ANKS1B: variants seen among roughly 807,000 people sequenced by gnomAD.
ANKS1B encodes ankyrin repeat and sterile alpha motif domain containing 1B, also known as ankyrin repeat and sterile alpha motif domain-containing protein 1B.
A neutral mutation model predicts 148.3 loss-of-function variants in ANKS1B; 36 were observed. The ratio of observed to expected loss-of-function variants is 0.24; its 90% confidence interval spans 0.19 to 0.32. The LOEUF is 0.32. ANKS1B is among the 10% of genes least tolerant of loss of function. The pLI is 1.00. For missense variants in ANKS1B, 1,157 were observed against 1,542.6 expected, an observed-to-expected ratio of 0.75 and a Z score of 4.19; for synonymous variants, 542 against 560.8, an observed-to-expected ratio of 0.97 and a Z score of 0.47.
chr12:99,528,599 A>G (rs1596399751), intron 9 of ANKS1B, among the ~76,000 whole-genome samples: 1 of 152,150 alleles, frequency 6.6e-6, no homozygotes, highest in African/African-American at 2.4e-5. Context: ...AAAAATGAGG[A>G]ACATAACATG....
At position 99,534,911 on chromosome 12, in the gene ANKS1B, A is replaced by G. The variant is rs371176855; in HGVS notation, c.1273-30270T>C. Reference sequence around the variant, plus strand: ...TTTTTAGTAGAGACGGGGTTTCACCATGTTAGCCAGGATGGTCTCGATCTC... The same window carrying G: ...TTTTTAGTAGAGACGGGGTTTCACCGTGTTAGCCAGGATGGTCTCGATCTC... On this transcript the variant is annotated intron_variant, in intron 9 of 26. Transcript: ENST00000683438. Among the ~76,000 whole-genome samples, 3 of 151,674 alleles carry G rather than the reference A, an allele frequency of 2.0e-5. No homozygotes were observed. The East Asian group carries it at 5.8e-4, about 29-fold the overall frequency.
intron 9 of ANKS1B, among the ~76,000 whole-genome samples, chr12:99,545,585 G>A (rs890576867): frequency 6.6e-6 from 1 of 151,876 alleles, no homozygotes; most frequent in African/African-American, 2.4e-5. Flanking sequence ...TTCTTGACTA[G>A]AGTTTGATTA....
intron 25 of ANKS1B, among the ~76,000 whole-genome samples, chr12:98,760,673 A>G (rs1391235994): frequency 6.6e-6 from 1 of 152,162 alleles, no homozygotes; most frequent in Non-Finnish European, 1.5e-5. Context: ...TTCATACTGG[A>G]TGCCAATTCT....
At chr12:99,675,851 A>C (rs2098562818) in intron 8 of ANKS1B, among the ~76,000 whole-genome samples, 1 of 152,188 alleles carries the variant, frequency 6.6e-6, no homozygotes, top group Non-Finnish European at 1.5e-5. Context: ...AAAATTTCAT[A>C]AAATGTTATT....
intron 9 of ANKS1B, among the ~76,000 whole-genome samples, chr12:99,584,365 C>T (rs556126008): frequency 2.0e-5 from 3 of 152,142 alleles, no homozygotes; most frequent in Admixed American, 6.5e-5. Flanking sequence ...TTTGTGAAGC[C>T]GAGGAGGGAG....
intron 12 of ANKS1B, among the ~76,000 whole-genome samples, chr12:99,258,751 G>T (rs981088705): frequency 5.9e-5 from 9 of 151,510 alleles, no homozygotes; most frequent in Non-Finnish European, 1.2e-4. Context: ...AGTCAAACAA[G>T]TAACAATGAG....
At chr12:99,316,318 C>A (rs1021090486) in intron 12 of ANKS1B, among the ~76,000 whole-genome samples, 5 of 152,098 alleles carry the variant, frequency 3.3e-5, no homozygotes, top group Admixed American at 1.3e-4. Context: ...TTCTCCACAT[C>A]CTCTCCAGCA....
chr12:99,265,156 G>T (rs1403562154), intron 12 of ANKS1B, among the ~76,000 whole-genome samples: 3 of 152,026 alleles, frequency 2.0e-5, no homozygotes, highest in African/African-American at 7.2e-5. Context: ...TACTGTAAAG[G>T]ACAGTACAGG....
chr12:99,612,925 A>T (rs2153349320), intron 9 of ANKS1B, among the ~76,000 whole-genome samples: 1 of 152,244 alleles, frequency 6.6e-6, no homozygotes, highest in South Asian at 2.1e-4. Flanking sequence ...GCTACAAAAG[A>T]CAGCAAGGAA....
chr12:99,953,395 A>G (rs1349388703), intron 1 of ANKS1B, among the ~76,000 whole-genome samples: 1 of 152,198 alleles, frequency 6.6e-6, no homozygotes, highest in Non-Finnish European at 1.5e-5. Flanking sequence ...GGTGAAGTTT[A>G]AGAGAGTTGT....
chr12:99,870,991 C>A (rs958305393), intron 1 of ANKS1B, among the ~76,000 whole-genome samples: 8 of 152,042 alleles, frequency 5.3e-5, no homozygotes, highest in Admixed American at 3.9e-4. Context: ...GTCATAAATT[C>A]TTTCCCAAGG....
intron 9 of ANKS1B, among the ~76,000 whole-genome samples, chr12:99,567,308 C>G (rs182141409): frequency 2.3e-4 from 35 of 152,188 alleles, no homozygotes; most frequent in Admixed American, 2.0e-3. Context: ...AGGTCAAGCC[C>G]ATCCAGTAAA....
intron 17 of ANKS1B, among the ~76,000 whole-genome samples, chr12:98,835,624 G>A (rs112667961): frequency 6.2e-4 from 94 of 152,266 alleles, no homozygotes; most frequent in African/African-American, 2.1e-3. Flanking sequence ...CATCCACATC[G>A]CTTAATCTTC....
chr12:99,578,247 C>G (rs2097537192), intron 9 of ANKS1B, among the ~76,000 whole-genome samples: 1 of 152,042 alleles, frequency 6.6e-6, no homozygotes, highest in Admixed American at 6.6e-5. Flanking sequence ...TATGACAAAC[C>G]CACAGCCAAC....
Position 98,824,381 on chromosome 12 carries a change from C to T in ANKS1B, c.3066+4793G>A, listed in dbSNP as rs1284719505. Among the ~76,000 whole-genome samples the T allele has an allele frequency of 1.4e-4, 21 of 152,196 alleles. 1 individual carries two copies. On this transcript the variant is annotated intron_variant, in intron 19 of 26. Transcript: ENST00000683438. ...GGTCTTTATAGAATGCTACAACCAC[C>T]GGAGCACTTGCCCTTCAACTCTCTT... is the stretch of plus-strand genomic sequence containing the variant.
chr12:98,738,135 C>T (rs1430938510), intron 9 of ANKS1B, among the ~76,000 whole-genome samples: 1 of 152,176 alleles, frequency 6.6e-6, no homozygotes, highest in Non-Finnish European at 1.5e-5. Flanking sequence ...GTAGCAGAGA[C>T]CAGGCCTTTG....
At chr12:98,784,396 G>A (rs2098768938) in intron 22 of ANKS1B, among the ~76,000 whole-genome samples, 1 of 152,188 alleles carries the variant, frequency 6.6e-6, no homozygotes, top group Non-Finnish European at 1.5e-5. Flanking sequence ...AGAAGCCAAA[G>A]AGGAGAGGGC....
At chr12:99,468,071 G>C (rs544531850) in intron 10 of ANKS1B, among the ~76,000 whole-genome samples, 45 of 152,228 alleles carry the variant, frequency 3.0e-4, no homozygotes, top group African/African-American at 1.0e-3. Context: ...AAACAGCATG[G>C]TACTGGTACC....
chr12:99,637,919 C>G (rs1598583717), intron 9 of ANKS1B, among the ~76,000 whole-genome samples: 1 of 151,522 alleles, frequency 6.6e-6, no homozygotes, highest in Admixed American at 6.6e-5. Context: ...CTAGACAACC[C>G]TAATACACCA....
Sources: allele counts gnomAD v4.1 joint callset (sites outside exome capture counted in the v4.1 genomes callset), GRCh38; gene constraint gnomAD v4.1.1; transcripts MANE v1.5; gene names NCBI Gene and HGNC (gene_info 2026-07-23, HGNC 2026-07-21).